LRFN5: variants seen among roughly 807,000 people sequenced by gnomAD.
The protein encoded by LRFN5 is leucine-rich repeat and fibronectin type-III domain-containing protein 5.
A neutral mutation model predicts 45.6 loss-of-function variants in LRFN5; 24 were observed. The ratio of observed to expected loss-of-function variants is 0.53; its 90% CI spans 0.38 to 0.74. LRFN5 has a LOEUF of 0.74. Among genes scored for constraint, LRFN5 ranks in the 30% least tolerant of loss-of-function variants. LRFN5 has a pLI of 0.00. For missense variants in LRFN5, 776 were observed against 861.5 expected, an observed-to-expected ratio of 0.90 and a Z score of 1.24; for synonymous variants, 340 against 313.8, an observed-to-expected ratio of 1.08 and a Z score of -0.88.
chr14:41,828,268 A>G (rs1312066225), intron 2 of LRFN5, among the ~76,000 whole-genome samples: 3 of 152,030 alleles, frequency 2.0e-5, no homozygotes, highest in African/African-American at 7.2e-5. Context: ...TAGGATATTA[A>G]TTAACCTAAT....
chr14:41,797,158 G>A (rs1391015306), intron 2 of LRFN5, among the ~76,000 whole-genome samples: 1 of 151,770 alleles, frequency 6.6e-6, no homozygotes, highest in African/African-American at 2.4e-5. Flanking sequence ...TCTTGTCATA[G>A]TGAGATCAGA....
intron 1 of LRFN5, among the ~76,000 whole-genome samples, chr14:41,725,563 T>C (rs1479250195): frequency 6.6e-6 from 1 of 152,192 alleles, no homozygotes; most frequent in Non-Finnish European, 1.5e-5. Context: ...TGTTGTACCA[T>C]ATTTTTGGGG....
intron 2 of LRFN5, among the ~76,000 whole-genome samples, chr14:41,800,790 C>T (rs1249839085): frequency 6.6e-6 from 1 of 151,264 alleles, no homozygotes; most frequent in Non-Finnish European, 1.5e-5. Flanking sequence ...AAAAAAAACA[C>T]TGCAGTTCAA....
intron 1 of LRFN5, among the ~76,000 whole-genome samples, chr14:41,739,532 A>G (rs563881372): frequency 5.3e-5 from 8 of 152,246 alleles, no homozygotes; most frequent in Non-Finnish European, 1.2e-4. Context: ...AAATGGAAAC[A>G]CAATATACCA....
chr14:41,666,265 T>G (rs907294427), intron 1 of LRFN5, among the ~76,000 whole-genome samples: 1 of 152,042 alleles, frequency 6.6e-6, no homozygotes, highest in African/African-American at 2.4e-5. Context: ...CACTTGTGGT[T>G]ACAAGACATT....
At chr14:41,815,761 T>A (rs534729821) in intron 2 of LRFN5, among the ~76,000 whole-genome samples, 7 of 151,578 alleles carry the variant, frequency 4.6e-5, no homozygotes, top group East Asian at 1.9e-4. Context: ...TAAAAATAAA[T>A]ATAAATAAAT....
intron 2 of LRFN5, among the ~76,000 whole-genome samples, chr14:41,802,681 C>G (rs1047210505): frequency 7.9e-4 from 120 of 152,196 alleles, no homozygotes; most frequent in Admixed American, 2.8e-3. Context: ...ACCCTTCCTT[C>G]CAGTTAAGTA....
At chr14:41,695,411 A>T (rs1882564230) in intron 1 of LRFN5, among the ~76,000 whole-genome samples, 1 of 151,996 alleles carries the variant, frequency 6.6e-6, no homozygotes, top group Non-Finnish European at 1.5e-5. Flanking sequence ...TTTTCAATAT[A>T]GACAAAACTA....
At chr14:41,836,895 C>A (rs1888680831) in intron 2 of LRFN5, among the ~76,000 whole-genome samples, 2 of 152,016 alleles carry the variant, frequency 1.3e-5, no homozygotes, top group Admixed American at 6.6e-5. Context: ...ATAGTAGCAG[C>A]AGGACACAGA....
intron 2 of LRFN5, among the ~76,000 whole-genome samples, chr14:41,781,576 G>GAA (rs1323141130): frequency 2.2e-5 from 2 of 91,054 alleles, no homozygotes; most frequent in Non-Finnish European, 2.0e-5. Flanking sequence ...AAGAAAGAAA[G>GAA]AAAGAAAGAA....
At position 41,891,502 on chromosome 14, in the gene LRFN5, TATTCTGA is replaced by T; in HGVS notation, c.1639_1645del (p.Ile547Ter). On this transcript the variant is annotated frameshift_variant, in exon 4 of 6. Coordinates refer to ENST00000298119, the MANE Select transcript of LRFN5 (RefSeq NM_152447.5). LOFTEE classifies it high-confidence loss of function. ...TAGCATCTGTGCTGGTATTCATCAT[TATTCTGA>T]TGATCCGGTATAAGGTTTGCAACAA... 6.2e-7 allele frequency: 1 copy of T among 1,614,140 alleles called. No individual in the cohort carries two copies.
At chr14:41,757,004 G>T (rs1456829651) in intron 1 of LRFN5, among the ~76,000 whole-genome samples, 1 of 152,180 alleles carries the variant, frequency 6.6e-6, no homozygotes, top group Non-Finnish European at 1.5e-5. Context: ...AAGTCTGTTG[G>T]AGTTTGCTGG....
At chr14:41,866,672 T>G (rs1394261955) in intron 2 of LRFN5, among the ~76,000 whole-genome samples, 3 of 152,142 alleles carry the variant, frequency 2.0e-5, no homozygotes, top group Non-Finnish European at 4.4e-5. Context: ...ATGTTTTTGT[T>G]TGGTTTTTAT....
At chr14:41,884,836 C>G (rs1433090609) in intron 2 of LRFN5, among the ~76,000 whole-genome samples, 7 of 152,080 alleles carry the variant, frequency 4.6e-5, no homozygotes, top group Non-Finnish European at 7.4e-5. Context: ...GACACACATT[C>G]AGGTGCATCA....
At chr14:41,675,359 G>A (rs1029595880) in intron 1 of LRFN5, among the ~76,000 whole-genome samples, 2 of 152,242 alleles carry the variant, frequency 1.3e-5, no homozygotes, top group Non-Finnish European at 2.9e-5. Context: ...CCGGCACCTC[G>A]GGAGGCCGAG....
chr14:41,633,409 A>G (rs1423770639), intron 1 of LRFN5, among the ~76,000 whole-genome samples: 3 of 152,132 alleles, frequency 2.0e-5, no homozygotes, highest in Non-Finnish European at 4.4e-5. Flanking sequence ...ATTAATATGC[A>G]TTAATTTCTT....
At chr14:41,735,913 T>C (rs1227680050) in intron 1 of LRFN5, among the ~76,000 whole-genome samples, 2 of 152,170 alleles carry the variant, frequency 1.3e-5, no homozygotes, top group Non-Finnish European at 2.9e-5. Flanking sequence ...GCTTCATCCA[T>C]GTCTCTGAAA....
chr14:41,741,249 C>A (rs557069936), intron 1 of LRFN5, among the ~76,000 whole-genome samples: 1 of 151,656 alleles, frequency 6.6e-6, no homozygotes, highest in African/African-American at 2.4e-5. Context: ...ATAGCTGAAG[C>A]AATTGAGCAA....
intron 1 of LRFN5, among the ~76,000 whole-genome samples, chr14:41,638,065 C>T (rs932608174): frequency 4.6e-5 from 7 of 152,110 alleles, no homozygotes; most frequent in African/African-American, 1.7e-4. Context: ...ACACTAACCA[C>T]AAGACAGCTG....
Sources: gnomAD v4.1 joint callset for allele counts (sites outside exome capture counted in the v4.1 genomes callset) on GRCh38, gnomAD v4.1.1 for gene constraint, MANE v1.5 for transcripts, NCBI Gene and HGNC (gene_info 2026-07-23, HGNC 2026-07-21) for gene names.